The following ATAD2B variants were observed in gnomAD, a reference collection of about 807,000 sequenced individuals.
ATAD2B encodes ATPase family AAA domain containing 2B, also known as ATPase family AAA domain-containing protein 2B.
Under a neutral mutation model 167.6 loss-of-function variants are expected in ATAD2B, and 40 were observed. That is an observed-to-expected ratio of 0.24 (90% CI 0.19 to 0.31). The LOEUF is 0.31. ATAD2B is among the 10% of genes least tolerant of loss of function. ATAD2B has a pLI of 1.00. For missense variants in ATAD2B, 1,242 were observed against 1,757.2 expected (o/e 0.71, Z 5.24); for synonymous variants, 579 against 596.5 (o/e 0.97, Z 0.43).
intron 17 of ATAD2B, 65 bp downstream of exon 17, chr2:23,819,682 T>C (rs564623616): frequency 2.4e-6 from 3 of 1,276,036 alleles, no homozygotes; most frequent in Non-Finnish European, 3.2e-6. Context: ...AAATATACCA[T>C]AATTCTAATC....
At chr2:23,719,914 G>A in the ATAD2B span, among the ~76,000 whole-genome samples, 1 of 152,174 alleles carries the variant, frequency 6.6e-6, no homozygotes, top group Admixed American at 6.5e-5. Context: ...GTTAAGCAGC[G>A]CCATGCTGTA....
intron 7 of ATAD2B, 91 bp from the exon 8 acceptor site, chr2:23,875,995 T>A (rs1696762945): frequency 1.0e-6 from 1 of 976,968 alleles, no homozygotes; most frequent in Non-Finnish European, 1.5e-6. Flanking sequence ...GCTCACTTTT[T>A]TGTTGTTGTT....
intron 18 of ATAD2B, among the ~76,000 whole-genome samples, chr2:23,803,723 T>A (rs1683887415): frequency 2.0e-5 from 3 of 152,258 alleles, no homozygotes; most frequent in Admixed American, 2.0e-4. Context: ...TGTGCATGTA[T>A]GTTTTAAAGG....
intron 23 of ATAD2B, 26 bp downstream of exon 23, chr2:23,765,480 G>A: frequency 6.3e-7 from 1 of 1,591,604 alleles, no homozygotes; most frequent in Non-Finnish European, 8.6e-7. Flanking sequence ...CTAGGCTTCA[G>A]TACCAAGTTT....
Position 23,884,860 on chromosome 2 carries a change from A to G in ATAD2B, c.689T>C (p.Met230Thr). ...TCTTCGCCTTTTCACTCTTGAATAC[A>G]TATCCATGTTTTCCTTTTAAAGAAA... ...WTDTEFENMD[M>T]YSRVKRRRKS... Residue 230 changes from methionine (M) to threonine (T), a missense_variant, in exon 6 of 28, where the codon ATG becomes ACG. Physicochemically the swap from Met to Thr is moderately conservative, Grantham distance 81. Transcript: ENST00000238789. 1 of 1,563,326 alleles carries G rather than the reference A, an allele frequency of 6.4e-7. No individual in the cohort carries two copies. Among genetic ancestry groups the G allele is most frequent in the African/African-American group, 1.4e-5 (1 of 73,486 alleles).
At chr2:23,742,931 A>T in the ATAD2B span, among the ~76,000 whole-genome samples, 2 of 152,164 alleles carry the variant, frequency 1.3e-5, no homozygotes, top group African/African-American at 4.8e-5. Context: ...AGAAAAGTGT[A>T]ACATTTAGAC....
chr2:23,769,684 A>T (rs1300465098), intron 22 of ATAD2B, among the ~76,000 whole-genome samples: 1 of 148,724 alleles, frequency 6.7e-6, no homozygotes, highest in Non-Finnish European at 1.5e-5. Flanking sequence ...GACGATTATT[A>T]CAAGTGTTTA....
chr2:23,733,954 T>C, the ATAD2B span, among the ~76,000 whole-genome samples: 1 of 152,236 alleles, frequency 6.6e-6, no homozygotes, highest in Non-Finnish European at 1.5e-5. Flanking sequence ...CTTGTTTGCC[T>C]GTTTCTATGC....
At chr2:23,848,128 G>A (rs1293539215) in intron 13 of ATAD2B, among the ~76,000 whole-genome samples, 3 of 151,978 alleles carry the variant, frequency 2.0e-5, no homozygotes, top group African/African-American at 7.3e-5. Flanking sequence ...AAAGGATAGA[G>A]AGCACCAGAA....
At chr2:23,820,350 T>G (rs1008660210) in intron 16 of ATAD2B, among the ~76,000 whole-genome samples, 1 of 152,156 alleles carries the variant, frequency 6.6e-6, no homozygotes, top group African/African-American at 2.4e-5. Context: ...GAAGTCTTAG[T>G]GTAGTTAAGA....
At chr2:23,777,211 A>T (rs1679276107) in intron 22 of ATAD2B, among the ~76,000 whole-genome samples, 1 of 152,138 alleles carries the variant, frequency 6.6e-6, no homozygotes, top group African/African-American at 2.4e-5. Flanking sequence ...TGAATTGATA[A>T]CCTCTAGAAC....
At position 23,819,857 on chromosome 2, in the gene ATAD2B, A is replaced by C. The variant is rs150556740; in HGVS notation, c.2157T>G (p.Asp719Glu). The C allele has an allele frequency of 2.5e-4, 393 of 1,582,662 alleles. 1 individual carries two copies. The African/African-American group carries it at 4.8e-3, about 19-fold the overall frequency. ...KEDIETLILE[D>E]SEDENALSIF... ...TTGATAAAGCATTTTCATCTTCACT[A>C]TCCTCTAAAATTAAAGTTTCTATAT... Residue 719 changes from aspartate (D) to glutamate (E), a missense_variant, in exon 17 of 28, where the codon GAT becomes GAG. By Grantham distance (45) the Asp-to-Glu change is conservative (BLOSUM62 2). This residue lies in a region of ATAD2B where 145 missense variants were observed against 181.9 expected (regional missense o/e 0.80). Coordinates refer to ENST00000238789, the MANE Select transcript of ATAD2B (RefSeq NM_017552.4).
chr2:23,686,594 G>A, the ATAD2B span, among the ~76,000 whole-genome samples: 4 of 151,868 alleles, frequency 2.6e-5, no homozygotes, highest in African/African-American at 9.7e-5. Flanking sequence ...GGGCATCAGA[G>A]GTCACGGGCA....
chr2:23,679,509 C>A, the ATAD2B span, among the ~76,000 whole-genome samples: 1 of 152,280 alleles, frequency 6.6e-6, no homozygotes, highest in African/African-American at 2.4e-5. Flanking sequence ...ATTCTGTAGT[C>A]CAAAGCAAAT....
intron 22 of ATAD2B, among the ~76,000 whole-genome samples, chr2:23,768,230 CACA>C (rs1259884445): frequency 6.6e-6 from 1 of 151,968 alleles, no homozygotes; most frequent in Non-Finnish European, 1.5e-5. Flanking sequence ...ATAACATTAC[CACA>C]ACAATAAAGA....
At chr2:23,902,226 T>C (rs1700930124) in intron 1 of ATAD2B, among the ~76,000 whole-genome samples, 1 of 152,204 alleles carries the variant, frequency 6.6e-6, no homozygotes, top group African/African-American at 2.4e-5. Context: ...CACATCATCC[T>C]AACTGCTACA....
chr2:23,817,468 GACA>G (rs1686627085), intron 17 of ATAD2B, among the ~76,000 whole-genome samples: 1 of 152,108 alleles, frequency 6.6e-6, no homozygotes, highest in Admixed American at 6.5e-5. Context: ...TAATGAAAAG[GACA>G]GCAAATATCA....
At chr2:23,801,285 T>C (rs1162719937) in intron 18 of ATAD2B, among the ~76,000 whole-genome samples, 1 of 152,102 alleles carries the variant, frequency 6.6e-6, no homozygotes, top group Non-Finnish European at 1.5e-5. Flanking sequence ...AAAACAGCTC[T>C]TCAGCAGTTT....
At chr2:23,702,632 A>T in the ATAD2B span, among the ~76,000 whole-genome samples, 3 of 152,202 alleles carry the variant, frequency 2.0e-5, no homozygotes, top group Non-Finnish European at 2.9e-5. Flanking sequence ...CCAGAAAGCT[A>T]ATATGACCTA....
Sources: allele counts gnomAD v4.1 joint callset (sites outside exome capture counted in the v4.1 genomes callset), GRCh38; gene constraint gnomAD v4.1.1; regional missense constraint gnomAD v4.1.1; transcripts MANE v1.5; gene names NCBI Gene and HGNC (gene_info 2026-07-23, HGNC 2026-07-21).